The following CSMD3 variants were observed in gnomAD, a reference collection of about 807,000 sequenced individuals.
CSMD3 encodes the protein CUB and Sushi multiple domains 3, also known as CUB and sushi domain-containing protein 3.
In CSMD3, 177 loss-of-function variants were observed where a neutral mutation model predicts 435.2. The ratio of observed to expected loss-of-function variants is 0.41; its 90% CI spans 0.36 to 0.46. The LOEUF (loss-of-function observed/expected upper bound fraction) is 0.46. Ranked by LOEUF, CSMD3 falls within the 20% of genes least tolerant of loss-of-function variation. The pLI is 0.34. For synonymous variants in CSMD3, 1,656 were observed against 1,520.5 expected (o/e 1.09, Z -2.07); for missense variants, 4,265 against 4,504.6 (o/e 0.95, Z 1.52).
chr8:112,862,607 A>G (rs1341540963), intron 10 of CSMD3, among the ~76,000 whole-genome samples: 1 of 151,866 alleles, frequency 6.6e-6, no homozygotes, highest in Non-Finnish European at 1.5e-5. Flanking sequence ...ACATTTATGT[A>G]TTATGTTTTA....
Position 112,449,552 on chromosome 8 carries a change from G to A in CSMD3, c.5395+23039C>T, listed in dbSNP as rs183562715. On this transcript the variant is annotated intron_variant, in intron 32 of 70. Coordinates refer to ENST00000297405, the MANE Select transcript of CSMD3 (RefSeq NM_198123.2). The stretch of plus-strand genomic sequence containing the variant: ...ATCTGTGGATACAGAATCACCTGAC[G>A]CCTGTGCCCTTTGCAAATCCCAATT... 2.6e-5 allele frequency among the ~76,000 whole-genome samples: 4 copies of A among 152,210 alleles called. No individual in the cohort carries two copies. In the East Asian group the frequency reaches 5.8e-4, roughly 22 times the overall value.
chr8:113,352,223 T>C (rs541070460), intron 1 of CSMD3, among the ~76,000 whole-genome samples: 1 of 152,248 alleles, frequency 6.6e-6, no homozygotes, highest in African/African-American at 2.4e-5. Flanking sequence ...TAGACCATCC[T>C]GCATTGGGAT....
At chr8:112,292,439 CT>C (rs1367609662) in intron 55 of CSMD3, 97 bp downstream of exon 55, 1 of 1,247,268 alleles carries the variant, frequency 8.0e-7, no homozygotes, top group Non-Finnish European at 1.2e-6. Context: ...TAGATAAAAA[CT>C]TTTTACTATT....
intron 45 of CSMD3, among the ~76,000 whole-genome samples, chr8:112,328,791 C>T (rs1458635546): frequency 1.3e-5 from 2 of 152,140 alleles, no homozygotes; most frequent in East Asian, 3.9e-4. Context: ...CTCACTGTCT[C>T]TCCTGCCAAC....
intron 36 of CSMD3, among the ~76,000 whole-genome samples, chr8:112,385,966 T>A (rs1468221211): frequency 6.6e-6 from 1 of 152,096 alleles, no homozygotes. Context: ...GTCTTTCAGA[T>A]GAGCTTAATT....
intron 27 of CSMD3, among the ~76,000 whole-genome samples, chr8:112,529,053 G>A (rs1431143985): frequency 6.6e-6 from 1 of 151,988 alleles, no homozygotes; most frequent in East Asian, 1.9e-4. Context: ...CATAACATGA[G>A]CAACAACAGC....
At chr8:113,127,181 T>C (rs1409385109) in intron 4 of CSMD3, among the ~76,000 whole-genome samples, 1 of 152,068 alleles carries the variant, frequency 6.6e-6, no homozygotes, top group African/African-American at 2.4e-5. Flanking sequence ...AAGAGGTGTC[T>C]AGTTAACATT....
At chr8:112,545,363 A>T (rs1827060820) in intron 27 of CSMD3, among the ~76,000 whole-genome samples, 1 of 151,176 alleles carries the variant, frequency 6.6e-6, no homozygotes. Context: ...CGCGCCTGTA[A>T]TCCCAGCTAT....
intron 3 of CSMD3, among the ~76,000 whole-genome samples, chr8:113,262,043 A>G (rs1417704748): frequency 1.3e-5 from 2 of 152,096 alleles, no homozygotes; most frequent in Admixed American, 6.6e-5. Context: ...ACACCCTGTT[A>G]GCATATTTGT....
At chr8:113,310,126 T>C (rs12549502) in intron 2 of CSMD3, 29,567 of 152,026 alleles carry the variant, frequency 0.19, 3,869 homozygotes, top group East Asian at 0.5. Context: ...TAAATAAAAG[T>C]TTTTGTACTC....
chr8:112,431,075 TGCCCTCACA>T (rs74674254), intron 32 of CSMD3, among the ~76,000 whole-genome samples: 28,018 of 151,918 alleles, frequency 0.18, 3,137 homozygotes, highest in Middle Eastern at 0.36. Flanking sequence ...AGTCATTCCC[TGCCCTCACA>T]GATATTTAGG....
At chr8:113,354,784 C>A (rs2094210902) in intron 1 of CSMD3, among the ~76,000 whole-genome samples, 1 of 152,038 alleles carries the variant, frequency 6.6e-6, no homozygotes. Flanking sequence ...GGACTACAAG[C>A]GTGTGTTACC....
chr8:113,266,181 T>TAAAA (rs34809876), intron 3 of CSMD3, among the ~76,000 whole-genome samples: 2 of 131,814 alleles, frequency 1.5e-5, no homozygotes. Context: ...CCCCTAAACT[T>TAAAA]AAAAAAAAAA....
chr8:112,616,801 T>C (rs367580565), intron 22 of CSMD3, among the ~76,000 whole-genome samples: 27 of 152,264 alleles, frequency 1.8e-4, no homozygotes, highest in African/African-American at 6.0e-4. Context: ...AAAGCATGTA[T>C]ATTGAAGGGA....
At chr8:112,819,400 T>A (rs1038546291) in intron 12 of CSMD3, among the ~76,000 whole-genome samples, 1 of 152,184 alleles carries the variant, frequency 6.6e-6, no homozygotes, top group African/African-American at 2.4e-5. Flanking sequence ...AGAAATCATA[T>A]AAGTCTTAAA....
At chr8:113,232,640 C>G (rs1413413198) in intron 3 of CSMD3, among the ~76,000 whole-genome samples, 1 of 151,718 alleles carries the variant, frequency 6.6e-6, no homozygotes, top group African/African-American at 2.4e-5. Flanking sequence ...TATTCATTAT[C>G]AAATCAAAAT....
At chr8:112,388,530 G>T (rs1830152610) in intron 36 of CSMD3, among the ~76,000 whole-genome samples, 2 of 152,106 alleles carry the variant, frequency 1.3e-5, no homozygotes, top group Admixed American at 1.3e-4. Context: ...GTAACTTAAT[G>T]GATGAGGAAG....
chr8:112,919,485 A>C (rs1312435162), intron 10 of CSMD3, among the ~76,000 whole-genome samples: 2 of 151,564 alleles, frequency 1.3e-5, no homozygotes, highest in East Asian at 3.9e-4. Flanking sequence ...ATCTTACTTT[A>C]TGTAGATCTT....
intron 32 of CSMD3, among the ~76,000 whole-genome samples, chr8:112,434,542 T>C (rs1329341105): frequency 6.6e-6 from 1 of 152,140 alleles, no homozygotes; most frequent in Non-Finnish European, 1.5e-5. Context: ...AAATGCTGTA[T>C]TGTTATTAAT....
Sources: allele counts gnomAD v4.1 joint callset (sites outside exome capture counted in the v4.1 genomes callset), GRCh38; gene constraint gnomAD v4.1.1; transcripts MANE v1.5; gene names NCBI Gene and HGNC (gene_info 2026-07-23, HGNC 2026-07-21).